The following FNBP4 variants were observed in gnomAD, a reference collection of about 807,000 sequenced individuals.
The protein encoded by FNBP4 is formin binding protein 4.
FNBP4 carries 34 observed loss-of-function variants against 119.3 expected under a neutral mutation model. The ratio of observed to expected loss-of-function variants is 0.28; its 90% CI spans 0.22 to 0.38. The LOEUF (loss-of-function observed/expected upper bound fraction) is 0.38, where lower values mean the gene tolerates loss of function less well. Ranked by LOEUF, FNBP4 falls within the 10% of genes least tolerant of loss-of-function variation. The probability of loss-of-function intolerance (pLI) is 1.00; values close to 1 mark genes in which losing one functional copy is unlikely to be tolerated. For missense variants in FNBP4, 1,112 were observed against 1,228.9 expected (o/e 0.90, Z 1.42); for synonymous variants, 462 against 430.6 (o/e 1.07, Z -0.90).
intron 9 of FNBP4, among the ~76,000 whole-genome samples, chr11:47,734,987 C>T (rs1032018482): frequency 1.8e-5 from 2 of 112,350 alleles, no homozygotes; most frequent in Non-Finnish European, 4.1e-5. Context: ...CACCCCCCCC[C>T]CCAAAAAAAA....
At chr11:47,746,840 A>G (rs542047361) in intron 6 of FNBP4, among the ~76,000 whole-genome samples, 42 of 152,202 alleles carry the variant, frequency 2.8e-4, no homozygotes, top group African/African-American at 9.9e-4. Context: ...AGGTGAGTAT[A>G]TATTTATACC....
intron 12 of FNBP4, chr11:47,725,665 A>G: frequency 1.9e-6 from 1 of 522,410 alleles, no homozygotes; most frequent in Non-Finnish European, 2.5e-6. Context: ...ACTTTGTAAA[A>G]GCCATCATTG....
intron 15 of FNBP4, among the ~76,000 whole-genome samples, chr11:47,721,838 C>A (rs2097555949): frequency 6.7e-6 from 1 of 149,678 alleles, no homozygotes; most frequent in Non-Finnish European, 1.5e-5. Flanking sequence ...CAAAATATTG[C>A]CTTTATCTCG....
intron 8 of FNBP4, 27 bp from the exon 9 acceptor site, chr11:47,736,767 C>T: frequency 3.2e-6 from 5 of 1,569,268 alleles, no homozygotes; most frequent in Non-Finnish European, 4.4e-6. Context: ...TAAAATTAAA[C>T]CAAAGTACCA....
chr11:47,734,072 T>C lies in FNBP4; in HGVS notation c.1639A>G (p.Asn547Asp). Reference protein sequence around the residue: ...LTSKFEFLGINRQSISNFHVL... With the variant: ...LTSKFEFLGIDRQSISNFHVL... Reference sequence around the variant, plus strand: ...TGAAAGTTGGAGATGGATTGTCTATTAATGCCTAGAAACTCGAATTTACTT... The same window carrying C: ...TGAAAGTTGGAGATGGATTGTCTATCAATGCCTAGAAACTCGAATTTACTT... The change falls in exon 10 of 17, where the codon AAT becomes GAT. Residue 547 changes from asparagine (N) to aspartate (D), a missense_variant. Asn to Asp is a conservative substitution (Grantham distance 23). This residue lies in a region of FNBP4 where 826 missense variants were observed against 988.8 expected (regional missense o/e 0.84). Coordinates refer to ENST00000263773, the MANE Select transcript of FNBP4 (RefSeq NM_015308.5). 1.3e-6 allele frequency: 2 copies of C among 1,598,736 alleles called. No individual in the cohort carries two copies.
At position 47,734,989 on chromosome 11, in the gene FNBP4, C is replaced by CCCA. The variant is rs375037624; in HGVS notation, c.1582-861_1582-860insTGG. On this transcript the variant is annotated intron_variant, in intron 9 of 16. Transcript: ENST00000263773. The stretch of plus-strand genomic sequence containing the variant: ...TCCATCACCCCAACACCCCCCCCCC[C>CCCA]AAAAAAAAAGGAAATCTAAAGCACA... Among the ~76,000 whole-genome samples the CCCA allele has an allele frequency of 1.1e-3, 126 of 119,976 alleles. 1 individual carries two copies. Among genetic ancestry groups the CCCA allele is most frequent in the African/African-American group, 2.1e-3 (61 of 29,522 alleles). 78.7% of individuals were successfully genotyped at this position (119,976 alleles called of 152,430 possible).
At chr11:47,739,841 C>T (rs1375321574) in intron 8 of FNBP4, among the ~76,000 whole-genome samples, 2 of 152,110 alleles carry the variant, frequency 1.3e-5, no homozygotes, top group Non-Finnish European at 2.9e-5. Flanking sequence ...TGCAATGGTG[C>T]GATGTTGGCT....
intron 1 of FNBP4, among the ~76,000 whole-genome samples, chr11:47,765,980 C>T (rs1211286531): frequency 6.7e-6 from 1 of 150,364 alleles, no homozygotes; most frequent in Non-Finnish European, 1.5e-5. Flanking sequence ...GTCACCGTGC[C>T]CTGGAGTCTT....
intron 9 of FNBP4, among the ~76,000 whole-genome samples, chr11:47,735,632 AGAATTTTAG>A (rs1431250890): frequency 6.6e-6 from 1 of 152,258 alleles, no homozygotes; most frequent in Non-Finnish European, 1.5e-5. Flanking sequence ...TTGAGCAGTT[AGAATTTTAG>A]ATAATTTCTC....
rs559723603 is a variant in FNBP4, at chr11:47,728,642, C to G, written c.2008+2732G>C. On this transcript the variant is annotated intron_variant, in intron 12 of 16. Coordinates refer to ENST00000263773, the MANE Select transcript of FNBP4 (RefSeq NM_015308.5). ...CTTCAACCTACCAGGCTCAAGTGAT[C>G]CTTCCCACCTCAGCCTTCCAAGTAG... 2.0e-5 allele frequency among the ~76,000 whole-genome samples: 3 copies of G among 152,116 alleles called. No homozygotes were observed. In the East Asian group the frequency reaches 5.8e-4, roughly 29 times the overall value.
At position 47,767,294 on chromosome 11, in the gene FNBP4, G is replaced by A. The variant is rs1301119903; in HGVS notation, c.-6C>T. 2.0e-6 allele frequency: 3 copies of A among 1,502,754 alleles called. No individual in the cohort carries two copies. Among genetic ancestry groups the A allele is most frequent in the East Asian group, 2.5e-5 (1 of 39,834 alleles). 93.1% of individuals were successfully genotyped at this position (1,502,754 alleles called of 1,614,324 possible). A position where few individuals can be genotyped will look rare whatever the true frequency, so the allele number is the denominator to read the frequency against. On this transcript the variant is annotated 5_prime_UTR_variant, in exon 1 of 17. Coordinates refer to ENST00000263773, the MANE Select transcript of FNBP4 (RefSeq NM_015308.5). ...GCCCGGGACTTCTTCCCCATCGCGA[G>A]CCCAAGCGCGAGCAGAGAGCGTCGG...
Position 47,736,704 on chromosome 11 carries a change from T to C in FNBP4, c.1493A>G (p.Asn498Ser), listed in dbSNP as rs768094714. 7 of 1,604,046 alleles carry C rather than the reference T, an allele frequency of 4.4e-6. No individual in the cohort carries two copies. Among genetic ancestry groups the C allele is most frequent in the Admixed American group, 1.7e-5 (1 of 59,256 alleles). The change falls in exon 9 of 17, where the codon AAT (asparagine) becomes AGT (serine). Residue 498 changes from asparagine (N) to serine (S), a missense_variant. Coordinates refer to ENST00000263773, the MANE Select transcript of FNBP4 (RefSeq NM_015308.5). ...GAENSEKIDE[N>S]SDKEMEVEES... Reference sequence around the variant, plus strand: ...TTCTACTTCCATCTCTTTATCTGAATTCTCATCTATTTTTTCTGAATTTTC... The same window carrying C: ...TTCTACTTCCATCTCTTTATCTGAACTCTCATCTATTTTTTCTGAATTTTC...
intron 2 of FNBP4, among the ~76,000 whole-genome samples, chr11:47,756,765 A>G (rs538426364): frequency 8.6e-5 from 13 of 151,042 alleles, no homozygotes; most frequent in African/African-American, 2.2e-4. Context: ...TCATTGTTCA[A>G]TTCCTACCTA....
At chr11:47,742,474 T>G (rs2097583467) in intron 8 of FNBP4, among the ~76,000 whole-genome samples, 1 of 15,524 alleles carries the variant, frequency 6.4e-5, no homozygotes, top group Admixed American at 9.2e-4. Flanking sequence ...CAAGACTCCG[T>G]CTCAAAAAAA....
chr11:47,724,204 A>C, intron 13 of FNBP4, 32 bp from the exon 14 acceptor site: 1 of 1,612,198 alleles, frequency 6.2e-7, no homozygotes, highest in Non-Finnish European at 8.5e-7. Flanking sequence ...TCAGTGGCTG[A>C]AGGCCATGGT....
chr11:47,739,712 C>T (rs1275990454), intron 8 of FNBP4, among the ~76,000 whole-genome samples: 1 of 152,168 alleles, frequency 6.6e-6, no homozygotes, highest in Admixed American at 6.5e-5. Context: ...ATCAATTGAG[C>T]CCATGAATTC....
rs1443184660 is a variant in FNBP4, at chr11:47,765,379, GAAAA to G, written c.221-21_221-18del. 1.0e-6 allele frequency: 1 copy of G among 1,003,398 alleles called. No homozygotes were observed. The highest frequency in any genetic ancestry group is 2.5e-5 in the East Asian group (1 of 40,162). The allele number at this position is 1,003,398 out of a possible 1,614,324, so 62.2% of individuals were successfully genotyped here. A position where few individuals can be genotyped will look rare whatever the true frequency, so the allele number is the denominator to read the frequency against. On this transcript the variant is annotated intron_variant, in intron 1 of 16. Coordinates refer to ENST00000263773, the MANE Select transcript of FNBP4 (RefSeq NM_015308.5). Reference sequence around the variant, plus strand: ...CCTGTTCATCTGGATTAAAAAAAAAGAAAAGAAAAGAAAAGAAAAGAAAAGAAAA... The same window carrying G: ...CCTGTTCATCTGGATTAAAAAAAAAGGAAAAGAAAAGAAAAGAAAAGAAAA...
At chr11:47,742,518 A>G (rs865821452) in intron 8 of FNBP4, among the ~76,000 whole-genome samples, 336 of 137,114 alleles carry the variant, frequency 2.5e-3, no homozygotes, top group Middle Eastern at 0.012. Flanking sequence ...ACCACGGGGT[A>G]GGGAATGAGA....
At chr11:47,744,208 TA>T (rs2097586180) in intron 7 of FNBP4, 45 bp from the exon 8 acceptor site, 2 of 1,416,738 alleles carry the variant, frequency 1.4e-6, no homozygotes, top group African/African-American at 2.8e-5. Context: ...AACTGCTTAT[TA>T]ATATGTATAA....
Sources: allele counts gnomAD v4.1 joint callset (sites outside exome capture counted in the v4.1 genomes callset), GRCh38; gene constraint gnomAD v4.1.1; regional missense constraint gnomAD v4.1.1; transcripts MANE v1.5; gene names NCBI Gene and HGNC (gene_info 2026-07-23, HGNC 2026-07-21).